AFG3L2: variants seen among roughly 807,000 people sequenced by gnomAD.
The protein encoded by AFG3L2 is AFG3 like matrix AAA peptidase subunit 2, also known as mitochondrial inner membrane m-AAA protease component AFG3L2.
Under a neutral mutation model 94.5 loss-of-function variants are expected in AFG3L2, and 54 were observed. The ratio of observed to expected loss-of-function variants is 0.57; its 90% CI spans 0.46 to 0.72. The LOEUF (loss-of-function observed/expected upper bound fraction) is 0.72, where lower values mean the gene tolerates loss of function less well. Among genes scored for constraint, AFG3L2 ranks in the 30% least tolerant of loss-of-function variants. AFG3L2 has a pLI of 0.00. For synonymous variants in AFG3L2, 377 were observed against 365.5 expected, an observed-to-expected ratio of 1.03 and a Z score of -0.36; for missense variants, 754 against 994.9, an observed-to-expected ratio of 0.76 and a Z score of 3.26.
At chr18:12,370,709 T>C in intron 3 of AFG3L2, 140 bp downstream of exon 3, 1 of 630,556 alleles carries the variant, frequency 1.6e-6, no homozygotes. Context: ...TCCACCCGCC[T>C]AGGCCTCCCA....
intron 6 of AFG3L2, among the ~76,000 whole-genome samples, chr18:12,363,050 T>C (rs971390471): frequency 6.6e-6 from 1 of 152,256 alleles, no homozygotes; most frequent in Admixed American, 6.5e-5. Flanking sequence ...ACCAGAGCCC[T>C]GTGACTTTAC....
Position 12,367,271 on chromosome 18 carries a change from C to G in AFG3L2, c.399+5G>C. 4 of 1,614,178 alleles carry G rather than the reference C, an allele frequency of 2.5e-6. No homozygotes were observed. The highest frequency in any genetic ancestry group is 3.4e-6 in the Non-Finnish European group (4 of 1,180,026). ...TCAAAATTCACACAATGTATAGCAT[C>G]AAACCTTCTGAAACCTGGACCACCA... is the stretch of plus-strand genomic sequence containing the variant. On this transcript the variant is annotated splice_donor_5th_base_variant and intron_variant, in intron 4 of 16. Transcript: ENST00000269143.
In AFG3L2 at chr18:12,358,933, G is replaced by A. The variant is rs1908575756; in HGVS notation, c.763C>T (p.Leu255=). 6.2e-7 allele frequency: 1 copy of A among 1,612,780 alleles called. No individual in the cohort carries two copies. Among genetic ancestry groups the A allele is most frequent in the Non-Finnish European group, 8.5e-7 (1 of 1,179,346 alleles). The stretch of plus-strand genomic sequence containing the variant: ...ATGAGCACCGTAGGCAGCATGCTCA[G>A]CAGAAAAGAGCTGGGGACACACAGC... ...YIAESDGSFL[L]SMLPTVLIIA... Residue 255 remains leucine, a synonymous_variant, in exon 8 of 17, where the codon CTG becomes TTG. Transcript: ENST00000269143.
intron 5 of AFG3L2, among the ~76,000 whole-genome samples, chr18:12,366,135 C>CA (rs1908800255): frequency 6.6e-6 from 1 of 152,264 alleles, no homozygotes; most frequent in African/African-American, 2.4e-5. Flanking sequence ...CTCGGCCTCC[C>CA]AAAGTGCTGG....
At chr18:12,337,671 G>A (rs1034165752) in intron 15 of AFG3L2, 136 bp from the exon 16 acceptor site, 1 of 768,532 alleles carries the variant, frequency 1.3e-6, no homozygotes, top group Non-Finnish European at 2.2e-6. Flanking sequence ...GCAGCACAGT[G>A]CTTTAAACTC....
intron 16 of AFG3L2, among the ~76,000 whole-genome samples, chr18:12,336,320 C>G (rs1907740408): frequency 6.6e-6 from 1 of 152,208 alleles, no homozygotes; most frequent in South Asian, 2.1e-4. Context: ...AGCTTTTCAG[C>G]TTTTTGCATT....
At chr18:12,365,871 C>CTTTTTTTTTTTTT (rs576247423) in intron 5 of AFG3L2, among the ~76,000 whole-genome samples, 1 of 113,836 alleles carries the variant, frequency 8.8e-6, no homozygotes, top group Non-Finnish European at 1.7e-5. Flanking sequence ...TGCATCAATT[C>CTTTTTTTTTTTTT]TTTTTTTTTT....
intron 13 of AFG3L2, among the ~76,000 whole-genome samples, chr18:12,346,924 A>G (rs1908157807): frequency 1.3e-5 from 2 of 148,498 alleles, no homozygotes; most frequent in East Asian, 2.0e-4. Flanking sequence ...AAAAAAAAAA[A>G]AAAGGAGTTA....
intron 13 of AFG3L2, among the ~76,000 whole-genome samples, chr18:12,345,695 C>A (rs1276657041): frequency 2.6e-5 from 4 of 152,178 alleles, no homozygotes; most frequent in Admixed American, 1.3e-4. Flanking sequence ...GCAAAACCTG[C>A]GGCTGCGTGG....
intron 6 of AFG3L2, among the ~76,000 whole-genome samples, chr18:12,360,401 AT>A (rs1470723219): frequency 6.6e-6 from 1 of 152,190 alleles, no homozygotes; most frequent in Non-Finnish European, 1.5e-5. Flanking sequence ...TTAGCTCCCT[AT>A]TCCCAAATTT....
At position 12,348,349 on chromosome 18, in the gene AFG3L2, C is replaced by T. The variant is rs749471990; in HGVS notation, c.1587G>A (p.Ala529=). 1.5e-5 allele frequency: 25 copies of T among 1,613,996 alleles called. No homozygotes were observed. Among genetic ancestry groups the T allele is most frequent in the African/African-American group, 2.7e-5 (2 of 74,902 alleles). Residue 529 remains alanine, a synonymous_variant, in exon 13 of 17, where the codon GCG becomes GCA. Coordinates refer to ENST00000269143, the MANE Select transcript of AFG3L2 (RefSeq NM_006796.3). The stretch of plus-strand genomic sequence containing the variant: ...CTGACAGATGCCTTGCAGCAATCAA[C>T]GCAGCTTCATTACAGACATTAGCAA... The part of the protein sequence containing the change: ...ADVANVCNEA[A]LIAARHLSDS...
chr18:12,353,169 A>G lies in AFG3L2; in HGVS notation c.1165-11T>C. ...AAATAAGTCTCGGACCTTGGCAAAA[A>G]CAGAAAGAGAGTCACCTGACCAGAG... is the stretch of plus-strand genomic sequence containing the variant. On this transcript the variant is annotated splice_polypyrimidine_tract_variant and intron_variant, in intron 9 of 16. Transcript: ENST00000269143. 6.2e-7 allele frequency: 1 copy of G among 1,613,804 alleles called. No individual in the cohort carries two copies.
At chr18:12,368,439 T>C (rs1908876181) in intron 3 of AFG3L2, among the ~76,000 whole-genome samples, 1 of 152,202 alleles carries the variant, frequency 6.6e-6, no homozygotes, top group Non-Finnish European at 1.5e-5. Context: ...TAACACTTTC[T>C]TGTGCAGGAA....
intron 13 of AFG3L2, among the ~76,000 whole-genome samples, chr18:12,344,602 A>T (rs1908070632): frequency 6.6e-6 from 1 of 151,946 alleles, no homozygotes; most frequent in Admixed American, 6.6e-5. Context: ...TGAACCCAGG[A>T]GGCGGAGGTT....
intron 5 of AFG3L2, among the ~76,000 whole-genome samples, chr18:12,365,871 CTTTTTTTTT>C (rs576247423): frequency 8.8e-6 from 1 of 113,836 alleles, no homozygotes; most frequent in Admixed American, 1.0e-4. Context: ...TGCATCAATT[CTTTTTTTTT>C]TTTTTTTTTT....
At chr18:12,344,402 C>A in intron 13 of AFG3L2, 155 bp from the exon 14 acceptor site, 1 of 678,096 alleles carries the variant, frequency 1.5e-6, no homozygotes, top group Non-Finnish European at 2.7e-6. Flanking sequence ...AGGCCAGGCG[C>A]AGTGGCTCAT....
intron 7 of AFG3L2, among the ~76,000 whole-genome samples, 186 bp downstream of exon 7, chr18:12,359,741 C>CA (rs927095114): frequency 1.4e-4 from 20 of 141,530 alleles, no homozygotes; most frequent in South Asian, 2.3e-4. Flanking sequence ...AACCCCACCT[C>CA]AAAAAAAAAA....
At chr18:12,366,323 T>C (rs1207980553) in intron 5 of AFG3L2, among the ~76,000 whole-genome samples, 2 of 152,224 alleles carry the variant, frequency 1.3e-5, no homozygotes, top group Non-Finnish European at 2.9e-5. Flanking sequence ...TTACAATCAA[T>C]AGCATCTTAA....
intron 13 of AFG3L2, among the ~76,000 whole-genome samples, chr18:12,344,778 T>A (rs1886592895): frequency 6.6e-6 from 1 of 152,082 alleles, no homozygotes; most frequent in African/African-American, 2.4e-5. Flanking sequence ...AAAATACAAC[T>A]ACAGCAAAAA....
Sources: allele counts gnomAD v4.1 joint callset (sites outside exome capture counted in the v4.1 genomes callset), GRCh38; gene constraint gnomAD v4.1.1; transcripts MANE v1.5; gene names NCBI Gene and HGNC (gene_info 2026-07-23, HGNC 2026-07-21).